Variants in PDZD2 observed in about 807,000 individuals in gnomAD.
PDZD2 encodes the protein PDZ domain containing 2.
PDZD2 carries 90 observed loss-of-function variants against 220.7 expected under a neutral mutation model. That is an observed-to-expected ratio of 0.41 (90% confidence interval 0.34 to 0.49). PDZD2 has a LOEUF of 0.49. Among genes scored for constraint, PDZD2 ranks in the 20% least tolerant of loss-of-function variants. The probability of loss-of-function intolerance (pLI) is 0.28; values close to 1 mark genes in which losing one functional copy is unlikely to be tolerated. For synonymous variants in PDZD2, 1,375 were observed against 1,450.5 expected, an observed-to-expected ratio of 0.95 and a Z score of 1.18; for missense variants, 3,174 against 3,608.5, an observed-to-expected ratio of 0.88 and a Z score of 3.08.
chr5:31,791,038 G>A (rs1753688949), intron 1 of PDZD2, among the ~76,000 whole-genome samples: 2 of 152,050 alleles, frequency 1.3e-5, no homozygotes, highest in Admixed American at 1.3e-4. Context: ...GTATGCTGCT[G>A]AGAACAGTTG....
chr5:31,783,674 C>T (rs1023803181), intron 1 of PDZD2, among the ~76,000 whole-genome samples: 10 of 152,032 alleles, frequency 6.6e-5, no homozygotes, highest in South Asian at 6.2e-4. Flanking sequence ...TTCCCCAGAT[C>T]GGCAGCGTGC....
Position 32,087,650 on chromosome 5 carries a change from A to C in PDZD2, c.4202A>C (p.Asp1401Ala), listed in dbSNP as rs1487122693. 1 of 1,614,054 alleles carries C rather than the reference A, an allele frequency of 6.2e-7. No individual in the cohort carries two copies. Among genetic ancestry groups the C allele is most frequent in the African/African-American group, 1.3e-5 (1 of 74,928 alleles). Reference sequence around the variant, plus strand: ...AGCCTCTCCATGCTGCCATCCACTGACAACACCAAAGAAGCATGTGGCCAT... The same window carrying C: ...AGCCTCTCCATGCTGCCATCCACTGCCAACACCAAAGAAGCATGTGGCCAT... ...QASLSMLPST[D>A]NTKEACGHVS... The change falls in exon 20 of 25, where the codon GAC becomes GCC. Residue 1401 changes from aspartate to alanine, a missense_variant. By Grantham distance (126) the Asp-to-Ala change is moderately radical. Around this residue, in one of 4 missense-constraint regions of PDZD2, gnomAD observed 1,861 missense variants for 2,001.0 expected, o/e 0.93. Coordinates refer to ENST00000438447, the MANE Select transcript of PDZD2 (RefSeq NM_178140.4). This position sits in a 1 kb window ranked among gnomAD's most constrained non-coding sequence, Gnocchi z 4.0.
chr5:31,987,482 A>G (rs1401946984), intron 3 of PDZD2, among the ~76,000 whole-genome samples: 3 of 152,166 alleles, frequency 2.0e-5, no homozygotes, highest in African/African-American at 7.2e-5. Context: ...TTTGCATCAG[A>G]GGCAGCCTGA....
intron 2 of PDZD2, among the ~76,000 whole-genome samples, chr5:31,906,518 G>C (rs866804487): frequency 6.6e-6 from 1 of 151,892 alleles, no homozygotes; most frequent in Non-Finnish European, 1.5e-5. Flanking sequence ...CCTTAGTTTG[G>C]TTTTTATCAA....
At chr5:32,104,403 TG>T (rs1744537333) in intron 24 of PDZD2, among the ~76,000 whole-genome samples, 1 of 151,570 alleles carries the variant, frequency 6.6e-6, no homozygotes, top group African/African-American at 2.4e-5. Flanking sequence ...TCACCCAGGC[TG>T]GAGTGCAGTG....
intron 1 of PDZD2, among the ~76,000 whole-genome samples, chr5:31,775,414 C>A (rs541700705): frequency 6.6e-6 from 1 of 151,994 alleles, no homozygotes; most frequent in East Asian, 1.9e-4. Flanking sequence ...ACGGATTTGA[C>A]GTAATAGAGA....
chr5:31,641,752 G>A (rs1276769754), intron 1 of PDZD2, among the ~76,000 whole-genome samples: 3 of 152,092 alleles, frequency 2.0e-5, no homozygotes, highest in Non-Finnish European at 4.4e-5. Flanking sequence ...GTCTCCCAAC[G>A]TGCTGGAATT....
In PDZD2 at chr5:31,996,893, A is replaced by G. The variant is rs76240426; in HGVS notation, c.1121+1175A>G. ...GCAAGAGACTCTGTCTCAAAAAAAC[A>G]AACAAAAACTTATTTTTTAATCTGA... is the stretch of plus-strand genomic sequence containing the variant. On this transcript the variant is annotated intron_variant, in intron 4 of 24. Coordinates refer to ENST00000438447, the MANE Select transcript of PDZD2 (RefSeq NM_178140.4). 1.7e-3 allele frequency among the ~76,000 whole-genome samples: 265 copies of G among 152,296 alleles called. 1 individual carries two copies. The highest frequency in any genetic ancestry group is 6.3e-3 in the African/African-American group (260 of 41,566).
intron 2 of PDZD2, among the ~76,000 whole-genome samples, chr5:31,865,037 C>T (rs994827718): frequency 1.3e-5 from 2 of 151,344 alleles, no homozygotes; most frequent in African/African-American, 2.4e-5. Context: ...TTAGTAGAGA[C>T]GGGGTTTCAC....
At chr5:31,772,938 G>A (rs1217434327) in intron 1 of PDZD2, among the ~76,000 whole-genome samples, 2 of 152,190 alleles carry the variant, frequency 1.3e-5, no homozygotes, top group African/African-American at 4.8e-5. Context: ...CTGTCTGCTT[G>A]AGAAGGTTCC....
chr5:31,677,325 A>G (rs1183445892), intron 1 of PDZD2, among the ~76,000 whole-genome samples: 1 of 26,868 alleles, frequency 3.7e-5, no homozygotes, highest in African/African-American at 6.9e-5. Flanking sequence ...TTTAAAAAGG[A>G]GGTATATCCG....
At chr5:31,712,936 C>T (rs1748213884) in intron 1 of PDZD2, among the ~76,000 whole-genome samples, 1 of 152,120 alleles carries the variant, frequency 6.6e-6, no homozygotes, top group Non-Finnish European at 1.5e-5. Flanking sequence ...TGAGATGTAC[C>T]CAACATGAGC....
At chr5:32,058,674 CAA>C (rs35570128) in intron 12 of PDZD2, among the ~76,000 whole-genome samples, 9 of 92,224 alleles carry the variant, frequency 9.8e-5, no homozygotes, top group Non-Finnish European at 6.9e-5. Flanking sequence ...AACTCCGTCT[CAA>C]AAAAAAAAAA....
chr5:32,079,706 G>A (rs1223101320), intron 19 of PDZD2, among the ~76,000 whole-genome samples: 1 of 152,050 alleles, frequency 6.6e-6, no homozygotes. Context: ...AGCTACTTGG[G>A]AGGCTGAGGC....
At chr5:31,945,845 T>A (rs1481322239) in intron 2 of PDZD2, among the ~76,000 whole-genome samples, 2 of 152,160 alleles carry the variant, frequency 1.3e-5, no homozygotes, top group Non-Finnish European at 2.9e-5. Flanking sequence ...TTACTATTTC[T>A]GCTATTCCTA....
chr5:31,661,268 C>T (rs1208166947), intron 1 of PDZD2: 4 of 152,152 alleles, frequency 2.6e-5, no homozygotes, highest in East Asian at 3.9e-4. Context: ...ACAAACTCAA[C>T]AGAAAAGATG....
intron 1 of PDZD2, among the ~76,000 whole-genome samples, chr5:31,739,120 A>G (rs940260326): frequency 2.0e-5 from 3 of 152,130 alleles, no homozygotes; most frequent in Non-Finnish European, 2.9e-5. Context: ...TCCTGACCTC[A>G]AGTGATCCAC....
chr5:31,775,493 C>A (rs1752589212), intron 1 of PDZD2, among the ~76,000 whole-genome samples: 1 of 152,122 alleles, frequency 6.6e-6, no homozygotes. Flanking sequence ...CACTCATTTC[C>A]CTTGGCCTTT....
intron 2 of PDZD2, among the ~76,000 whole-genome samples, chr5:31,869,741 C>T (rs1580946779): frequency 1.3e-5 from 2 of 152,142 alleles, no homozygotes; most frequent in Non-Finnish European, 2.9e-5. Flanking sequence ...GAAAATTCTC[C>T]GTCTCTTACA....
Sources: allele counts gnomAD v4.1 joint callset (sites outside exome capture counted in the v4.1 genomes callset), GRCh38; gene constraint gnomAD v4.1.1; regional missense constraint gnomAD v4.1.1; non-coding constraint Gnocchi (gnomAD v3.1); transcripts MANE v1.5; gene names NCBI Gene and HGNC (gene_info 2026-07-23, HGNC 2026-07-21).